Variants in ASPG observed in about 807,000 individuals in gnomAD.
ASPG encodes asparaginase, also known as 60 kDa lysophospholipase.
Under a neutral mutation model 63.2 loss-of-function variants are expected in ASPG, and 53 were observed. That is an observed-to-expected ratio of 0.84 (90% CI 0.67 to 1.05). The LOEUF (loss-of-function observed/expected upper bound fraction) is 1.05. Ranked by LOEUF, ASPG falls within the 50% of genes least tolerant of loss-of-function variation. ASPG has a pLI of 0.00. For missense variants in ASPG, 741 were observed against 794.4 expected (o/e 0.93, Z 0.81); for synonymous variants, 370 against 355.0 (o/e 1.04, Z -0.48).
intron 6 of ASPG, among the ~76,000 whole-genome samples, chr14:104,101,815 C>A (rs563021627): frequency 6.6e-6 from 1 of 152,302 alleles, no homozygotes; most frequent in Admixed American, 6.5e-5. Context: ...TTTGAGGCCG[C>A]AGACTACACC....
Position 104,115,459 on chromosome 14 carries a change from T to G in ASPG, c.*2915T>G, listed in dbSNP as rs2037447039. 1 of 152,266 alleles carries G rather than the reference T, an allele frequency of 6.6e-6. No homozygotes were observed. Among genetic ancestry groups the G allele is most frequent in the African/African-American group, 2.4e-5 (1 of 41,442 alleles). 9.4% of individuals were successfully genotyped at this position (152,266 alleles called of 1,614,324 possible). On this transcript the variant is annotated 3_prime_UTR_variant, in exon 16 of 16. Transcript: ENST00000551177. ...AGGAGTGGTGGCCAGGCTTGGTGGC[T>G]CACACCTGCAATCCCAGCACTTTGG...
rs112588999 is a variant in ASPG at position 104,098,010 on chromosome 14, G to A, written c.513+373G>A. ...TATGGAGGTTCTGCGTTAGAGATGC[G>A]TATGGAGGTTCTGCGTTAGAGATGC... is the stretch of plus-strand genomic sequence containing the variant. On this transcript the variant is annotated intron_variant, in intron 5 of 15. Coordinates refer to ENST00000551177, the MANE Select transcript of ASPG (RefSeq NM_001080464.3). 4.3e-3 allele frequency among the ~76,000 whole-genome samples: 502 copies of A among 116,992 alleles called. 3 individuals carry two copies. Among genetic ancestry groups the A allele is most frequent in the Middle Eastern group, 8.6e-3 (2 of 232 alleles). 76.8% of individuals were successfully genotyped at this position (116,992 alleles called of 152,430 possible).
At position 104,111,087 on chromosome 14, in the gene ASPG, C is replaced by T. The variant is rs186610323; in HGVS notation, c.1521-415C>T. 195 of 985,360 alleles carry T rather than the reference C, an allele frequency of 2.0e-4. 2 individuals carry two copies. In the South Asian group the frequency reaches 2.0e-3, roughly 10 times the overall value. 61.0% of individuals were successfully genotyped at this position (985,360 alleles called of 1,614,324 possible). On this transcript the variant is annotated intron_variant, in intron 13 of 15. Coordinates refer to ENST00000551177, the MANE Select transcript of ASPG (RefSeq NM_001080464.3). ...GGGAAGAGCGGTGTGTTGTGTAACA[C>T]GAAACTGGCGTGGGCTGCTCGGCAG...
intron 6 of ASPG, among the ~76,000 whole-genome samples, chr14:104,101,918 A>G (rs1372111507): frequency 2.6e-5 from 4 of 152,162 alleles, no homozygotes; most frequent in Non-Finnish European, 5.9e-5. Flanking sequence ...TCACCTGGCC[A>G]TGGAGCCACC....
chr14:104,112,755 G>A lies in ASPG; in HGVS notation c.*211G>A. On this transcript the variant is annotated 3_prime_UTR_variant, in exon 16 of 16. Coordinates refer to ENST00000551177, the MANE Select transcript of ASPG (RefSeq NM_001080464.3). ...TCTGAGAGGCTCTGTCTGGGTCCGG[G>A]ACTGTGGATGTGTGTGGGGAGTCAG... 3 of 1,152,312 alleles carry A rather than the reference G, an allele frequency of 2.6e-6. No homozygotes were observed. Among genetic ancestry groups the A allele is most frequent in the Non-Finnish European group, 3.6e-6 (3 of 829,210 alleles). The allele number at this position is 1,152,312 out of a possible 1,614,324, so 71.4% of individuals were successfully genotyped here.
intron 1 of ASPG, among the ~76,000 whole-genome samples, chr14:104,086,105 G>A (rs1339922024): frequency 6.6e-6 from 1 of 152,158 alleles, no homozygotes; most frequent in Non-Finnish European, 1.5e-5. Context: ...CTGGGGCCAG[G>A]CCCCCTGTGC....
chr14:104,110,203 C>T lies in ASPG; in HGVS notation c.1520+888C>T, dbSNP rs553157913. The T allele has an allele frequency of 4.3e-5, 42 of 984,794 alleles. No homozygotes were observed. The highest frequency in any genetic ancestry group is 2.1e-4 in the African/African-American group (12 of 57,086). The allele number at this position is 984,794 out of a possible 1,614,324, so 61.0% of individuals were successfully genotyped here. On this transcript the variant is annotated intron_variant, in intron 13 of 15. Coordinates refer to ENST00000551177, the MANE Select transcript of ASPG (RefSeq NM_001080464.3). This position sits in a 1 kb window ranked among gnomAD's most constrained non-coding sequence, Gnocchi z 4.7. ...GGTGCTGTGAGTGGTGGGGTCTGTG[C>T]GCCTGTAAGTCCAGAGTCCCAGGCT... is the stretch of plus-strand genomic sequence containing the variant.
chr14:104,108,651 G>A, intron 12 of ASPG: 1 of 985,452 alleles, frequency 1.0e-6, no homozygotes, highest in Non-Finnish European at 1.2e-6. Context: ...CCGGCCTCGG[G>A]CCTTTGTGCC....
Position 104,091,746 on chromosome 14 carries a change from C to T in ASPG, c.83-887C>T, listed in dbSNP as rs1404237745. ...AGGCGATGGGTACAGCTGCAGAGGG[C>T]GAGGGGGGAAAGCAGGTGACCATGG... On this transcript the variant is annotated intron_variant, in intron 1 of 15. Transcript: ENST00000551177. The surrounding 1 kb of genome is among the most constrained non-coding windows in gnomAD (Gnocchi z 6.4). Among the ~76,000 whole-genome samples, 1 of 131,120 alleles carries T rather than the reference C, an allele frequency of 7.6e-6. No homozygotes were observed. Among genetic ancestry groups the T allele is most frequent in the African/African-American group, 3.0e-5 (1 of 33,722 alleles). 86.0% of individuals were successfully genotyped at this position (131,120 alleles called of 152,430 possible).
At position 104,106,902 on chromosome 14, in the gene ASPG, T is replaced by G; in HGVS notation, c.1269+8T>G. Reference sequence around the variant, plus strand: ...CAGGCGCTTGTGGAGCTGGTGAGCCTCCCCCACCCTGGGGGCCCAGCCCCA... The same window carrying G: ...CAGGCGCTTGTGGAGCTGGTGAGCCGCCCCCACCCTGGGGGCCCAGCCCCA... On this transcript the variant is annotated splice_region_variant and intron_variant, in intron 11 of 15. Coordinates refer to ENST00000551177, the MANE Select transcript of ASPG (RefSeq NM_001080464.3). 3 of 1,563,472 alleles carry G rather than the reference T, an allele frequency of 1.9e-6. No individual in the cohort carries two copies. The African/African-American group carries it at 4.1e-5, about 21-fold the overall frequency.
chr14:104,111,492 C>T lies in ASPG; in HGVS notation c.1521-10C>T. 1 of 1,548,720 alleles carries T rather than the reference C, an allele frequency of 6.5e-7. No homozygotes were observed. Among genetic ancestry groups the T allele is most frequent in the South Asian group, 1.2e-5 (1 of 83,848 alleles). On this transcript the variant is annotated splice_polypyrimidine_tract_variant and intron_variant, in intron 13 of 15. Coordinates refer to ENST00000551177, the MANE Select transcript of ASPG (RefSeq NM_001080464.3). The stretch of plus-strand genomic sequence containing the variant: ...GGCCCCAACAACTCCTCCTCTGCCC[C>T]CACCCCCAGGCTGGCATACAGGGCC...
At position 104,105,460 on chromosome 14, in the gene ASPG, T is replaced by C; in HGVS notation, c.1173+10T>C. On this transcript the variant is annotated intron_variant, in intron 10 of 15. Transcript: ENST00000551177. Reference sequence around the variant, plus strand: ...TCTGAGCGGCAGCCAGGTAATGGCGTGGGACACGGGCCTGAGTGGCAGCTG... The same window carrying C: ...TCTGAGCGGCAGCCAGGTAATGGCGCGGGACACGGGCCTGAGTGGCAGCTG... 6.4e-7 allele frequency: 1 copy of C among 1,570,338 alleles called. No homozygotes were observed.
At chr14:104,097,946 T>C (rs9743463) in intron 5 of ASPG, among the ~76,000 whole-genome samples, 5,786 of 18,152 alleles carry the variant, frequency 0.32, 896 homozygotes, top group African/African-American at 0.41. Context: ...GGAGGTTCTG[T>C]GTTAGAGATG....
In ASPG at chr14:104,111,311, A is replaced by G. The variant is rs111323072; in HGVS notation, c.1521-191A>G. On this transcript the variant is annotated intron_variant, in intron 13 of 15. Transcript: ENST00000551177. ...CCCGACTTGAGTCGCAGTCCCACCC[A>G]CTGGGTGAAACCAGGCTCCAGGCTG... 884 of 704,512 alleles carry G rather than the reference A, an allele frequency of 1.3e-3. 2 individuals carry two copies. The highest frequency in any genetic ancestry group is 1.9e-3 in the Admixed American group (31 of 15,930). The allele number at this position is 704,512 out of a possible 1,614,324, so 43.6% of individuals were successfully genotyped here.
At position 104,093,523 on chromosome 14, in the gene ASPG, C is replaced by T. The variant is rs1309320843; in HGVS notation, c.224C>T (p.Thr75Ile). The change falls in exon 3 of 16, where the codon ACC becomes ATC. Residue 75 changes from threonine (T) to isoleucine (I), a missense_variant. Thr to Ile is a moderately conservative substitution (Grantham distance 89, BLOSUM62 -1). Coordinates refer to ENST00000551177, the MANE Select transcript of ASPG (RefSeq NM_001080464.3). Reference protein sequence around the residue: ...PASRNQRILYTVLECQPLFDS... With the variant: ...PASRNQRILYIVLECQPLFDS... ...AGCCGCAACCAGAGGATTCTCTACA[C>T]CGTGCTGGAGTGCCAGCCCCTCTTC... The T allele has an allele frequency of 6.2e-7, 1 of 1,612,706 alleles. No individual in the cohort carries two copies. The highest frequency in any genetic ancestry group is 2.2e-5 in the East Asian group (1 of 44,880).
At position 104,111,932 on chromosome 14, in the gene ASPG, G is replaced by A. The variant is rs946056641; in HGVS notation, c.1633G>A (p.Gly545Arg). The A allele has an allele frequency of 1.2e-5, 19 of 1,555,066 alleles. No homozygotes were observed. Among genetic ancestry groups the A allele is most frequent in the South Asian group, 2.4e-5 (2 of 84,196 alleles). Residue 545 changes from glycine (G) to arginine (R), a missense_variant, in exon 15 of 16, where the codon GGG becomes AGG. Physicochemically the swap from Gly to Arg is moderately radical, Grantham distance 125 (BLOSUM62 -2). Transcript: ENST00000551177. ...TGCTTCCCCATAGGCAGAGGCAGCC[G>A]GGAACCTGGCAGTGGTGGCCTTTCT... ...HSALHVAEAA[G>R]NLAVVAFLQS...
intron 1 of ASPG, among the ~76,000 whole-genome samples, chr14:104,088,431 C>G (rs1266746513): frequency 2.0e-5 from 3 of 152,194 alleles, no homozygotes; most frequent in Non-Finnish European, 4.4e-5. Context: ...GCTGATAACC[C>G]CAAGCCCAAG....
In ASPG at chr14:104,112,373, C is replaced by T. The variant is rs937363106; in HGVS notation, c.1702-151C>T. ...CCAGTTCCCAGCTGACACCCCCATT[C>T]CCACTTGGTTGTGTGGCCCTCCCAT... On this transcript the variant is annotated intron_variant, in intron 15 of 15. Coordinates refer to ENST00000551177, the MANE Select transcript of ASPG (RefSeq NM_001080464.3). 7.4e-6 allele frequency: 5 copies of T among 673,320 alleles called. No homozygotes were observed. The African/African-American group carries it at 8.9e-5, about 12-fold the overall frequency. 41.7% of individuals were successfully genotyped at this position (673,320 alleles called of 1,614,324 possible).
intron 7 of ASPG, 54 bp from the exon 8 acceptor site, chr14:104,104,247 CAGT>C (rs1175439863): frequency 9.0e-6 from 14 of 1,549,128 alleles, no homozygotes; most frequent in South Asian, 8.5e-5. Context: ...GGGCGAGTCT[CAGT>C]GGTGCTGAGG....
Sources: gnomAD v4.1 joint callset for allele counts (sites outside exome capture counted in the v4.1 genomes callset) on GRCh38, gnomAD v4.1.1 for gene constraint, Gnocchi (gnomAD v3.1) non-coding constraint, MANE v1.5 for transcripts, NCBI Gene and HGNC (gene_info 2026-07-23, HGNC 2026-07-21) for gene names.